Variants in ANKRD13C observed in about 807,000 individuals in gnomAD.
ANKRD13C encodes ankyrin repeat domain-containing protein 13C.
ANKRD13C carries 16 observed loss-of-function variants against 65.5 expected under a neutral mutation model. The ratio of observed to expected loss-of-function variants is 0.24; its 90% CI spans 0.17 to 0.37. ANKRD13C has a LOEUF of 0.37. Among genes scored for constraint, ANKRD13C ranks in the 10% least tolerant of loss-of-function variants. The pLI, the probability that ANKRD13C is intolerant of heterozygous loss-of-function variation, is 1.00. For synonymous variants in ANKRD13C, 235 were observed against 238.7 expected, an observed-to-expected ratio of 0.98 and a Z score of 0.14; for missense variants, 503 against 655.9, an observed-to-expected ratio of 0.77 and a Z score of 2.55.
chr1:70,326,981 T>C (rs1240058263), intron 2 of ANKRD13C, among the ~76,000 whole-genome samples: 2 of 145,800 alleles, frequency 1.4e-5, no homozygotes, highest in African/African-American at 5.2e-5. Context: ...GAAGAAATGA[T>C]AAAATTAGAA....
chr1:70,334,603 T>C (rs1385034268), intron 2 of ANKRD13C, among the ~76,000 whole-genome samples: 2 of 152,030 alleles, frequency 1.3e-5, no homozygotes, highest in South Asian at 4.2e-4. Flanking sequence ...CACTCCACCC[T>C]GGGGAACACA....
At chr1:70,322,698 A>G (rs1252143365) in intron 3 of ANKRD13C, among the ~76,000 whole-genome samples, 1 of 152,196 alleles carries the variant, frequency 6.6e-6, no homozygotes, top group Non-Finnish European at 1.5e-5. Flanking sequence ...GACTCTGAGT[A>G]AAGAATCCTT....
At chr1:70,294,129 G>A (rs918631314) in intron 8 of ANKRD13C, among the ~76,000 whole-genome samples, 3 of 151,894 alleles carry the variant, frequency 2.0e-5, no homozygotes, top group Non-Finnish European at 2.9e-5. Context: ...AAAGAATGAG[G>A]AAAAAAAGCC....
At chr1:70,297,994 C>T (rs1372725983) in intron 7 of ANKRD13C, among the ~76,000 whole-genome samples, 1 of 151,720 alleles carries the variant, frequency 6.6e-6, no homozygotes, top group Non-Finnish European at 1.5e-5. Context: ...TTTCCTCTAC[C>T]CCTACAAGTA....
In ANKRD13C at chr1:70,282,293, G is replaced by C. The variant is rs557896528; in HGVS notation, c.1216-5449C>G. On this transcript the variant is annotated intron_variant, in intron 9 of 12. Coordinates refer to ENST00000370944, the MANE Select transcript of ANKRD13C (RefSeq NM_030816.5). ...GCTGGTCTCGATCTCCTGACCTCGT[G>C]ATTTGCCCGCCTCAGCCTCCCAAAG... Among the ~76,000 whole-genome samples the C allele has an allele frequency of 4.6e-5, 7 of 151,698 alleles. No homozygotes were observed. In the East Asian group the frequency reaches 1.4e-3, roughly 30 times the overall value.
Position 70,354,393 on chromosome 1 carries a change from T to C in ANKRD13C, c.16A>G (p.Ile6Val). MTGEK[I>V]RSLRRDHKPS... is the part of the protein sequence containing the mutation. ...TTGTGGTCCCTCCGCAGTGAGCGGA[T>C]CTTCTCCCCGGTCATCGCCGCCGCC... The change falls in exon 1 of 13, where the codon ATC (isoleucine) becomes GTC (valine). Residue 6 changes from isoleucine to valine, a missense_variant. Physicochemically the swap from Ile to Val is conservative, Grantham distance 29 (BLOSUM62 3). Transcript: ENST00000370944. 1 of 1,612,542 alleles carries C rather than the reference T, an allele frequency of 6.2e-7. No homozygotes were observed. The highest frequency in any genetic ancestry group is 8.5e-7 in the Non-Finnish European group (1 of 1,178,910).
Position 70,262,780 on chromosome 1 carries a change from A to G in ANKRD13C, c.1563T>C (p.Asp521=). The G allele has an allele frequency of 6.2e-7, 1 of 1,613,684 alleles. No individual in the cohort carries two copies. Among genetic ancestry groups the G allele is most frequent in the Non-Finnish European group, 8.5e-7 (1 of 1,179,706 alleles). The change falls in exon 13 of 13, where the codon GAT becomes GAC. Residue 521 remains aspartate (D), a synonymous_variant. Coordinates refer to ENST00000370944, the MANE Select transcript of ANKRD13C (RefSeq NM_030816.5). ...CATCAGGTATAGTAAAGATGGAGCCATCAAATTCATCGTATCGAAACTCCT... is the reference window on the plus strand; with the variant it reads ...CATCAGGTATAGTAAAGATGGAGCCGTCAAATTCATCGTATCGAAACTCCT... ...TFQEFRYDEF[D]GSIFTIPDDY...
chr1:70,342,548 G>A (rs1259819085), intron 1 of ANKRD13C, among the ~76,000 whole-genome samples: 3 of 151,726 alleles, frequency 2.0e-5, no homozygotes, highest in African/African-American at 7.3e-5. Flanking sequence ...GTGGAGGGGG[G>A]AATAAAAAAA....
At chr1:70,325,810 C>A (rs1192811973) in intron 2 of ANKRD13C, among the ~76,000 whole-genome samples, 5 of 150,924 alleles carry the variant, frequency 3.3e-5, no homozygotes, top group Non-Finnish European at 3.0e-5. Flanking sequence ...ACCCGGGAGG[C>A]AGAGGCTGCA....
chr1:70,297,848 G>A (rs1336192205), intron 7 of ANKRD13C, among the ~76,000 whole-genome samples: 2 of 149,966 alleles, frequency 1.3e-5, no homozygotes, highest in African/African-American at 4.9e-5. Context: ...GGGAGGTGGA[G>A]GTTGCGGTGA....
intron 9 of ANKRD13C, among the ~76,000 whole-genome samples, chr1:70,291,780 C>G (rs961676244): frequency 2.0e-5 from 3 of 151,866 alleles, no homozygotes; most frequent in Non-Finnish European, 2.9e-5. Context: ...GCACTCCAGC[C>G]TGGGCGACAG....
intron 11 of ANKRD13C, among the ~76,000 whole-genome samples, chr1:70,272,392 G>C (rs1678929472): frequency 6.6e-6 from 1 of 151,546 alleles, no homozygotes; most frequent in Non-Finnish European, 1.5e-5. Flanking sequence ...GGCCAATTTT[G>C]TATTTTTAAT....
chr1:70,324,971 T>C lies in ANKRD13C; in HGVS notation c.473-14A>G, dbSNP rs1681467746. 3.8e-6 allele frequency: 6 copies of C among 1,569,384 alleles called. No individual in the cohort carries two copies. The highest frequency in any genetic ancestry group is 5.2e-6 in the Non-Finnish European group (6 of 1,147,970). ...AATGGGCACATTCTGCAATATAAAGTAGTAATAATATCAAACATCATGCAA... is the reference window on the plus strand; with the variant it reads ...AATGGGCACATTCTGCAATATAAAGCAGTAATAATATCAAACATCATGCAA... On this transcript the variant is annotated splice_polypyrimidine_tract_variant and intron_variant, in intron 2 of 12. Coordinates refer to ENST00000370944, the MANE Select transcript of ANKRD13C (RefSeq NM_030816.5).
chr1:70,286,847 G>A (rs111348793), intron 9 of ANKRD13C, among the ~76,000 whole-genome samples: 14 of 152,088 alleles, frequency 9.2e-5, no homozygotes, highest in East Asian at 1.9e-4. Context: ...CTAGCCGGGC[G>A]TGGTGGTGGG....
chr1:70,340,076 C>T (rs1406511559), intron 1 of ANKRD13C, among the ~76,000 whole-genome samples: 1 of 151,844 alleles, frequency 6.6e-6, no homozygotes, highest in Non-Finnish European at 1.5e-5. Context: ...TCTCAAACTC[C>T]TGGACTCAAG....
intron 2 of ANKRD13C, among the ~76,000 whole-genome samples, chr1:70,328,797 C>G (rs183611287): frequency 6.6e-6 from 1 of 151,948 alleles, no homozygotes; most frequent in African/African-American, 2.4e-5. Context: ...ACATGCATTA[C>G]CATATTTATT....
chr1:70,313,793 G>A lies in ANKRD13C; in HGVS notation c.664-3C>T, dbSNP rs1558293751. ...AGTTCTAGATAAAAGTCACCTAGCT[G>A]AAAAATGAAATATGAATAATTACTA... On this transcript the variant is annotated splice_polypyrimidine_tract_variant and splice_region_variant and intron_variant, in intron 4 of 12. Coordinates refer to ENST00000370944, the MANE Select transcript of ANKRD13C (RefSeq NM_030816.5). 1.9e-6 allele frequency: 3 copies of A among 1,605,698 alleles called. No individual in the cohort carries two copies. Among genetic ancestry groups the A allele is most frequent in the Non-Finnish European group, 2.6e-6 (3 of 1,173,180 alleles).
intron 12 of ANKRD13C, among the ~76,000 whole-genome samples, chr1:70,265,248 C>T (rs1678564993): frequency 6.6e-6 from 1 of 151,878 alleles, no homozygotes; most frequent in African/African-American, 2.4e-5. Context: ...GAGATGTGCT[C>T]CAGAAGGAGC....
intron 1 of ANKRD13C, among the ~76,000 whole-genome samples, chr1:70,338,512 G>C (rs1466892669): frequency 6.6e-6 from 1 of 152,154 alleles, no homozygotes; most frequent in South Asian, 2.1e-4. Context: ...TGGTTCTCCT[G>C]CTTCAGCCTC....
Sources: gnomAD v4.1 joint callset for allele counts (sites outside exome capture counted in the v4.1 genomes callset) on GRCh38, gnomAD v4.1.1 for gene constraint, MANE v1.5 for transcripts, NCBI Gene and HGNC (gene_info 2026-07-23, HGNC 2026-07-21) for gene names.